The following RPS6KC1 variants were observed in gnomAD, a reference collection of about 807,000 sequenced individuals.
RPS6KC1 encodes the protein ribosomal protein S6 kinase C1.
Under a neutral mutation model 103.8 loss-of-function variants are expected in RPS6KC1, and 54 were observed. That is an observed-to-expected ratio of 0.52 (90% CI 0.42 to 0.65). The LOEUF (loss-of-function observed/expected upper bound fraction) is 0.65. RPS6KC1 is among the 30% of genes least tolerant of loss of function. RPS6KC1 has a pLI of 0.00. For missense variants in RPS6KC1, 1,151 were observed against 1,253.8 expected, an observed-to-expected ratio of 0.92 and a Z score of 1.24; for synonymous variants, 439 against 438.7, an observed-to-expected ratio of 1.00 and a Z score of -0.01.
At chr1:213,078,936 CAGTG>C (rs1369314748) in intron 3 of RPS6KC1, among the ~76,000 whole-genome samples, 51 of 152,062 alleles carry the variant, frequency 3.4e-4, no homozygotes, top group Non-Finnish European at 2.9e-5. Context: ...GACTCTGTAT[CAGTG>C]TGTGTGTATG....
At chr1:213,268,552 A>G (rs1299674237) in intron 14 of RPS6KC1, among the ~76,000 whole-genome samples, 1 of 148,122 alleles carries the variant, frequency 6.8e-6, no homozygotes, top group Non-Finnish European at 1.5e-5. Context: ...TTATTTATAT[A>G]TAATTTATTT....
chr1:213,387,743 A>T, the RPS6KC1 span, among the ~76,000 whole-genome samples: 1 of 152,338 alleles, frequency 6.6e-6, no homozygotes, highest in South Asian at 2.1e-4. Flanking sequence ...ATGACATAGC[A>T]TTCTAGAAAT....
chr1:213,561,218 G>C, the RPS6KC1 span, among the ~76,000 whole-genome samples: 1 of 152,158 alleles, frequency 6.6e-6, no homozygotes, highest in Non-Finnish European at 1.5e-5. Flanking sequence ...AGTCTTTGAA[G>C]ACTTTCTTTT....
At position 213,097,990 on chromosome 1, in the gene RPS6KC1, C is replaced by T. The variant is rs77515278; in HGVS notation, c.263-6464C>T. Among the ~76,000 whole-genome samples the T allele has an allele frequency of 3.8e-3, 572 of 152,300 alleles. 4 individuals are homozygous for T. The highest frequency in any genetic ancestry group is 0.013 in the African/African-American group (529 of 41,558). On this transcript the variant is annotated intron_variant, in intron 3 of 14. Transcript: ENST00000366960. Reference sequence around the variant, plus strand: ...TTTACTTTCTCCATATCAGCAATAACGCTGCTTCACTTTCTTATCATTCAT... The same window carrying T: ...TTTACTTTCTCCATATCAGCAATAATGCTGCTTCACTTTCTTATCATTCAT...
intron 6 of RPS6KC1, among the ~76,000 whole-genome samples, chr1:213,135,116 G>A (rs145684941): frequency 4.6e-5 from 7 of 152,160 alleles, no homozygotes; most frequent in Admixed American, 3.3e-4. Context: ...CTAGTTTTTT[G>A]TATGTTCTCT....
At chr1:213,577,536 T>C in the RPS6KC1 span, among the ~76,000 whole-genome samples, 1 of 152,166 alleles carries the variant, frequency 6.6e-6, no homozygotes, top group Non-Finnish European at 1.5e-5. Context: ...GTGGGAAAGT[T>C]TGGAGCTTCC....
At chr1:213,384,117 A>G in the RPS6KC1 span, among the ~76,000 whole-genome samples, 1 of 152,024 alleles carries the variant, frequency 6.6e-6, no homozygotes, top group Non-Finnish European at 1.5e-5. Flanking sequence ...TCTACTAAAA[A>G]TACAAAAAAT....
chr1:213,365,534 T>A, the RPS6KC1 span, among the ~76,000 whole-genome samples: 1 of 152,250 alleles, frequency 6.6e-6, no homozygotes. Context: ...ATAATAGCTG[T>A]TTCCCAGGGG....
the RPS6KC1 span, among the ~76,000 whole-genome samples, chr1:213,491,992 A>G: frequency 2.0e-5 from 3 of 152,210 alleles, no homozygotes; most frequent in Non-Finnish European, 2.9e-5. Flanking sequence ...CCACCGCTGA[A>G]CTGTATATAA....
the RPS6KC1 span, among the ~76,000 whole-genome samples, chr1:213,363,211 G>T: frequency 6.6e-6 from 1 of 152,132 alleles, no homozygotes; most frequent in Non-Finnish European, 1.5e-5. Context: ...TCTTCCTCCT[G>T]CCTCTGCATC....
At chr1:213,217,684 G>A (rs560747379) in intron 8 of RPS6KC1, among the ~76,000 whole-genome samples, 25 of 152,172 alleles carry the variant, frequency 1.6e-4, no homozygotes, top group African/African-American at 4.3e-4. Flanking sequence ...ATGATCAAGT[G>A]GGCTTCATCC....
the RPS6KC1 span, among the ~76,000 whole-genome samples, chr1:213,419,633 G>A: frequency 6.6e-6 from 1 of 152,152 alleles, no homozygotes; most frequent in Non-Finnish European, 1.5e-5. Context: ...ACATTCAACT[G>A]CAACCAAAGA....
the RPS6KC1 span, among the ~76,000 whole-genome samples, chr1:213,465,526 T>C: frequency 6.6e-6 from 1 of 152,134 alleles, no homozygotes. Flanking sequence ...TTACCATCCT[T>C]TTACTGTAGC....
the RPS6KC1 span, among the ~76,000 whole-genome samples, chr1:213,720,101 A>G: frequency 6.6e-6 from 1 of 152,098 alleles, no homozygotes. Context: ...TTCCTATATG[A>G]TCCTCAGGGT....
the RPS6KC1 span, among the ~76,000 whole-genome samples, chr1:213,491,665 G>T: frequency 1.3e-5 from 2 of 152,234 alleles, no homozygotes; most frequent in Admixed American, 1.3e-4. Context: ...GTGACTGTTA[G>T]TAGGGTAAAT....
At chr1:213,818,117 G>A in the RPS6KC1 span, 2 of 152,140 alleles carry the variant, frequency 1.3e-5, no homozygotes, top group African/African-American at 4.8e-5. Flanking sequence ...CTCTCTCTCT[G>A]GGCCTCCCTG....
At chr1:213,657,594 A>G in the RPS6KC1 span, among the ~76,000 whole-genome samples, 1 of 152,356 alleles carries the variant, frequency 6.6e-6, no homozygotes, top group Admixed American at 6.5e-5. Context: ...GAGATTCAGA[A>G]ATTAAGACTT....
chr1:213,541,294 A>G, the RPS6KC1 span, among the ~76,000 whole-genome samples: 1 of 151,344 alleles, frequency 6.6e-6, no homozygotes, highest in Non-Finnish European at 1.5e-5. Flanking sequence ...CAATGGTAAC[A>G]TCAAAGATCA....
the RPS6KC1 span, among the ~76,000 whole-genome samples, chr1:213,831,589 C>G: frequency 1.4e-4 from 22 of 152,086 alleles, no homozygotes; most frequent in African/African-American, 2.2e-4. Context: ...GTCACAATAG[C>G]AGGAGGAAAC....
Sources: allele counts gnomAD v4.1 joint callset (sites outside exome capture counted in the v4.1 genomes callset), GRCh38; gene constraint gnomAD v4.1.1; transcripts MANE v1.5; gene names NCBI Gene and HGNC (gene_info 2026-07-23, HGNC 2026-07-21).